Variants in ANK3 observed in about 807,000 individuals in gnomAD.
ANK3 encodes the protein ankyrin 3.
In ANK3, 57 loss-of-function variants were observed where a neutral mutation model predicts 370.9. That is an observed-to-expected ratio of 0.15 (90% CI 0.12 to 0.19). ANK3 has a LOEUF of 0.19. Among genes scored for constraint, ANK3 ranks in the 10% least tolerant of loss-of-function variants. The probability of loss-of-function intolerance (pLI) is 1.00; values close to 1 mark genes in which losing one functional copy is unlikely to be tolerated. For synonymous variants in ANK3, 1,929 were observed against 1,946.3 expected (o/e 0.99, Z 0.23); for missense variants, 4,439 against 5,302.1 (o/e 0.84, Z 5.06).
chr10:60,154,171 T>C (rs1378930712), intron 23 of ANK3, among the ~76,000 whole-genome samples: 1 of 152,214 alleles, frequency 6.6e-6, no homozygotes, highest in Non-Finnish European at 1.5e-5. Context: ...AAAGGCTAAA[T>C]GATATAAGAG....
chr10:60,642,929 C>T (rs932060210), intron 1 of ANK3, among the ~76,000 whole-genome samples: 2 of 151,912 alleles, frequency 1.3e-5, no homozygotes, highest in African/African-American at 4.8e-5. Flanking sequence ...AATTCAGCTA[C>T]ATAATTAAAA....
chr10:60,474,320 C>T (rs2074999910), intron 2 of ANK3, among the ~76,000 whole-genome samples: 1 of 152,054 alleles, frequency 6.6e-6, no homozygotes, highest in East Asian at 1.9e-4. Context: ...ACAGTGCTTC[C>T]ACGCACAGGC....
chr10:60,147,905 G>A (rs1440239889), intron 23 of ANK3, among the ~76,000 whole-genome samples: 2 of 152,128 alleles, frequency 1.3e-5, no homozygotes, highest in Non-Finnish European at 2.9e-5. Flanking sequence ...GTGTGAGAAT[G>A]GACTAATACA....
intron 8 of ANK3, among the ~76,000 whole-genome samples, chr10:60,230,868 G>A (rs1015344985): frequency 4.1e-5 from 6 of 147,932 alleles, no homozygotes; most frequent in Non-Finnish European, 5.9e-5. Context: ...CAGACTGGGC[G>A]ACTGACAGAG....
At chr10:60,231,590 C>T (rs2097247153) in intron 8 of ANK3, among the ~76,000 whole-genome samples, 1 of 152,120 alleles carries the variant, frequency 6.6e-6, no homozygotes. Context: ...TTAGGCTTGC[C>T]CCCATGGCTT....
intron 1 of ANK3, among the ~76,000 whole-genome samples, chr10:60,321,399 G>GAAGAA (rs71015788): frequency 0.048 from 6,988 of 145,508 alleles, 228 homozygotes; most frequent in Non-Finnish European, 0.068. Context: ...AAAGAGAAGA[G>GAAGAA]AAGAAAAGAA....
chr10:60,518,110 G>C (rs984381807), intron 2 of ANK3, among the ~76,000 whole-genome samples: 2 of 151,254 alleles, frequency 1.3e-5, no homozygotes, highest in Non-Finnish European at 1.5e-5. Flanking sequence ...CTACCCTAGA[G>C]GTTGGCATGG....
rs527405447 is a variant in ANK3, at chr10:60,484,325, G to A, written c.96+130861C>T. Among the ~76,000 whole-genome samples the A allele has an allele frequency of 7.9e-5, 12 of 152,228 alleles. 1 individual carries two copies. In the South Asian group the frequency reaches 1.7e-3, roughly 21 times the overall value. On this transcript the variant is annotated intron_variant, in intron 2 of 43. Coordinates refer to the ANK3 transcript ENST00000373827. ...TTAGTAAAAGACAGGCACAAATCTAGGGTATTCATTATTCAAATCTTGACT... is the reference window on the plus strand; with the variant it reads ...TTAGTAAAAGACAGGCACAAATCTAAGGTATTCATTATTCAAATCTTGACT...
intron 8 of ANK3, among the ~76,000 whole-genome samples, chr10:60,228,698 T>G (rs2097200621): frequency 6.6e-6 from 1 of 152,178 alleles, no homozygotes; most frequent in Admixed American, 6.6e-5. Flanking sequence ...AAGATGGTTA[T>G]AGTTGACAGC....
intron 1 of ANK3, among the ~76,000 whole-genome samples, chr10:60,296,479 G>C (rs1237892047): frequency 6.6e-6 from 1 of 152,144 alleles, no homozygotes; most frequent in Non-Finnish European, 1.5e-5. Flanking sequence ...GTTAATTAGA[G>C]CATGTTCCTT....
intron 43 of ANK3, among the ~76,000 whole-genome samples, chr10:60,036,715 C>A (rs1244772817): frequency 6.6e-6 from 1 of 151,990 alleles, no homozygotes; most frequent in South Asian, 2.1e-4. Flanking sequence ...GGAATACAGG[C>A]GTGAGCCACT....
chr10:60,443,446 A>C (rs958384753), intron 2 of ANK3, among the ~76,000 whole-genome samples: 6 of 152,102 alleles, frequency 3.9e-5, no homozygotes, highest in African/African-American at 1.4e-4. Flanking sequence ...GAGAATAGTG[A>C]AAGTGAAAAA....
chr10:60,397,691 CTAAT>C (rs1385304667), intron 2 of ANK3, among the ~76,000 whole-genome samples: 1 of 152,158 alleles, frequency 6.6e-6, no homozygotes, highest in Admixed American at 6.5e-5. Context: ...TGGAATCAGA[CTAAT>C]TGAGTTTCAT....
At chr10:60,629,618 A>G (rs2078455602) in intron 1 of ANK3, among the ~76,000 whole-genome samples, 1 of 152,162 alleles carries the variant, frequency 6.6e-6, no homozygotes, top group Non-Finnish European at 1.5e-5. Flanking sequence ...GGTGATGTCT[A>G]GAGACCAAAT....
At chr10:60,577,923 T>A (rs2077702879) in intron 2 of ANK3, among the ~76,000 whole-genome samples, 1 of 152,194 alleles carries the variant, frequency 6.6e-6, no homozygotes, top group African/African-American at 2.4e-5. Context: ...TGAAGCAGAA[T>A]GAGATTGTGA....
intron 43 of ANK3, among the ~76,000 whole-genome samples, chr10:60,034,081 GTTTT>G (rs56758673): frequency 9.5e-6 from 1 of 105,398 alleles, no homozygotes; most frequent in South Asian, 3.3e-4. Context: ...TTCTGTTTTT[GTTTT>G]TTTTTTTGTT....
At chr10:60,258,421 T>G (rs950791404) in intron 7 of ANK3, among the ~76,000 whole-genome samples, 18 of 152,196 alleles carry the variant, frequency 1.2e-4, no homozygotes, top group Non-Finnish European at 4.4e-5. Context: ...TAATAAAAAT[T>G]GAAGGAAAGG....
At chr10:60,450,633 G>A (rs138244237) in intron 2 of ANK3, among the ~76,000 whole-genome samples, 8 of 152,250 alleles carry the variant, frequency 5.3e-5, no homozygotes, top group South Asian at 4.2e-4. Flanking sequence ...CAAAAAAAGC[G>A]TAAGTTCTTC....
At chr10:60,138,822 T>C (rs1265501491) in intron 24 of ANK3, 142 bp downstream of exon 24, 17 of 1,045,316 alleles carry the variant, frequency 1.6e-5, no homozygotes, top group Admixed American at 2.6e-5. Context: ...GCATGTGTAT[T>C]TGCGTCGAGA....
Sources: allele counts gnomAD v4.1 joint callset (sites outside exome capture counted in the v4.1 genomes callset), GRCh38; gene constraint gnomAD v4.1.1; transcripts MANE v1.5; gene names NCBI Gene and HGNC (gene_info 2026-07-23, HGNC 2026-07-21).